The following ERBB4 variants were observed in gnomAD, a reference collection of about 807,000 sequenced individuals.
ERBB4 encodes the protein receptor tyrosine-protein kinase erbB-4.
Under a neutral mutation model 158.0 loss-of-function variants are expected in ERBB4, and 42 were observed. The observed-to-expected ratio is 0.27, with a 90% CI of 0.21 to 0.34. The LOEUF is 0.34. ERBB4 is among the 10% of genes least tolerant of loss of function. The probability of loss-of-function intolerance (pLI) is 1.00; values close to 1 mark genes in which losing one functional copy is unlikely to be tolerated. For missense variants in ERBB4, 1,333 were observed against 1,624.1 expected (o/e 0.82, Z 3.08); for synonymous variants, 583 against 558.7 (o/e 1.04, Z -0.61).
intron 1 of ERBB4, among the ~76,000 whole-genome samples, chr2:212,254,635 T>G (rs2084659121): frequency 6.6e-6 from 1 of 152,138 alleles, no homozygotes; most frequent in Non-Finnish European, 1.5e-5. Flanking sequence ...ATTTTGTTTA[T>G]GTATAGCAAA....
At chr2:212,271,023 G>A (rs938352523) in intron 1 of ERBB4, among the ~76,000 whole-genome samples, 3 of 151,810 alleles carry the variant, frequency 2.0e-5, no homozygotes, top group African/African-American at 7.2e-5. Flanking sequence ...GAGTTTTGCA[G>A]TGCACTGCTA....
chr2:212,280,613 G>A (rs2085720525), intron 1 of ERBB4, among the ~76,000 whole-genome samples: 1 of 151,618 alleles, frequency 6.6e-6, no homozygotes, highest in South Asian at 2.1e-4. Flanking sequence ...TTCTGTTGCT[G>A]TTGTTGTTGT....
chr2:211,654,013 T>C (rs1244334243), intron 16 of ERBB4, among the ~76,000 whole-genome samples: 1 of 152,154 alleles, frequency 6.6e-6, no homozygotes, highest in African/African-American at 2.4e-5. Context: ...GTCCTCCTAT[T>C]ATGTAAGATT....
intron 1 of ERBB4, among the ~76,000 whole-genome samples, chr2:212,192,031 T>A (rs1407094205): frequency 8.4e-5 from 4 of 47,626 alleles, no homozygotes; most frequent in Admixed American, 4.9e-4. Context: ...GTTATATATG[T>A]TATATGTTAT....
At chr2:211,854,574 A>G (rs551942261) in intron 3 of ERBB4, among the ~76,000 whole-genome samples, 1 of 152,290 alleles carries the variant, frequency 6.6e-6, no homozygotes, top group Non-Finnish European at 1.5e-5. Flanking sequence ...TATATAAATG[A>G]AATGACAGAG....
chr2:211,551,292 A>G (rs1210341367), intron 20 of ERBB4, among the ~76,000 whole-genome samples: 1 of 152,176 alleles, frequency 6.6e-6, no homozygotes, highest in Non-Finnish European at 1.5e-5. Flanking sequence ...GTGTATTCAA[A>G]TTTAAATGAT....
chr2:211,510,981 T>C (rs1162490581), intron 20 of ERBB4, among the ~76,000 whole-genome samples: 1 of 151,804 alleles, frequency 6.6e-6, no homozygotes, highest in Admixed American at 6.6e-5. Flanking sequence ...AAACCTAATA[T>C]ACCAAGAGAT....
chr2:212,350,298 A>G (rs890278823), intron 1 of ERBB4, among the ~76,000 whole-genome samples: 1 of 152,148 alleles, frequency 6.6e-6, no homozygotes, highest in Non-Finnish European at 1.5e-5. Context: ...CTAAGACCTT[A>G]GAGTGTAAAG....
intron 3 of ERBB4, among the ~76,000 whole-genome samples, chr2:211,897,291 T>G (rs2079122508): frequency 6.6e-6 from 1 of 152,000 alleles, no homozygotes; most frequent in Non-Finnish European, 1.5e-5. Context: ...GAAAGTACTG[T>G]AAAAATGAAT....
chr2:211,459,594 G>A (rs2064476121), intron 20 of ERBB4, among the ~76,000 whole-genome samples: 1 of 152,202 alleles, frequency 6.6e-6, no homozygotes, highest in Middle Eastern at 3.4e-3. Context: ...AATCTCACGA[G>A]GTCTGATGGT....
chr2:212,078,163 T>C (rs1038556657), intron 2 of ERBB4, among the ~76,000 whole-genome samples: 3 of 152,112 alleles, frequency 2.0e-5, no homozygotes, highest in Admixed American at 2.0e-4. Flanking sequence ...ATCACAGATA[T>C]AGACTTAGGT....
chr2:211,617,608 G>A (rs376210808), intron 19 of ERBB4, among the ~76,000 whole-genome samples: 5 of 152,052 alleles, frequency 3.3e-5, no homozygotes, highest in African/African-American at 1.2e-4. Context: ...AAGCTGGTTT[G>A]TACAGGCTGA....
At chr2:212,160,020 A>G (rs1489543281) in intron 1 of ERBB4, among the ~76,000 whole-genome samples, 2 of 151,994 alleles carry the variant, frequency 1.3e-5, no homozygotes, top group African/African-American at 4.8e-5. Context: ...AGACAAATCC[A>G]TGGCAAGCCC....
In ERBB4 at chr2:211,924,063, G is replaced by T. The variant is rs529571400; in HGVS notation, c.421+23367C>A. 7.9e-5 allele frequency among the ~76,000 whole-genome samples: 12 copies of T among 152,146 alleles called. No individual in the cohort carries two copies. The South Asian group carries it at 2.5e-3, about 32-fold the overall frequency. ...ATTGAATATTGTTCCAATTAGGAGA[G>T]GTTGTTTCAAGTTTGCCATTCTCAT... On this transcript the variant is annotated intron_variant, in intron 3 of 27. Coordinates refer to ENST00000342788, the MANE Select transcript of ERBB4 (RefSeq NM_005235.3).
At chr2:212,284,073 A>G (rs2085864042) in intron 1 of ERBB4, among the ~76,000 whole-genome samples, 1 of 152,076 alleles carries the variant, frequency 6.6e-6, no homozygotes, top group Non-Finnish European at 1.5e-5. Flanking sequence ...AGAGAATGCT[A>G]TTAAAGTCAA....
At chr2:211,389,515 T>C (rs1187681193) in intron 25 of ERBB4, among the ~76,000 whole-genome samples, 1 of 152,264 alleles carries the variant, frequency 6.6e-6, no homozygotes, top group Non-Finnish European at 1.5e-5. Context: ...TGAACCCCTA[T>C]AGTGAGGTTA....
rs1414353948 is a variant in ERBB4, at chr2:211,377,029, T to C, written c.*6586A>G. The C allele has an allele frequency of 4.3e-6, 1 of 232,962 alleles. No individual in the cohort carries two copies. The highest frequency in any genetic ancestry group is 8.5e-6 in the Non-Finnish European group (1 of 117,664). The allele number at this position is 232,962 out of a possible 1,614,324, so 14.4% of individuals were successfully genotyped here. A position where few individuals can be genotyped will look rare whatever the true frequency, so the allele number is the denominator to read the frequency against. The stretch of plus-strand genomic sequence containing the variant: ...ACTTTAAAAGAACACCTTACATATC[T>C]ACATTTAGAAAATAACTTTCGTAGT... On this transcript the variant is annotated 3_prime_UTR_variant, in exon 28 of 28. Transcript: ENST00000342788.
At chr2:212,349,782 T>C (rs964525115) in intron 1 of ERBB4, among the ~76,000 whole-genome samples, 1 of 152,028 alleles carries the variant, frequency 6.6e-6, no homozygotes. Flanking sequence ...CCCATAAACT[T>C]CCACTTATAT....
chr2:211,639,873 C>G (rs564405486), intron 16 of ERBB4, among the ~76,000 whole-genome samples: 5 of 152,234 alleles, frequency 3.3e-5, no homozygotes, highest in African/African-American at 1.2e-4. Context: ...AGGCACCCCC[C>G]CACCATGCCC....
Sources: gnomAD v4.1 joint callset for allele counts (sites outside exome capture counted in the v4.1 genomes callset) on GRCh38, gnomAD v4.1.1 for gene constraint, MANE v1.5 for transcripts, NCBI Gene and HGNC (gene_info 2026-07-23, HGNC 2026-07-21) for gene names.